The following CD300LG variants were observed in gnomAD, a reference collection of about 807,000 sequenced individuals.
CD300LG encodes the protein CMRF35-like molecule 9.
A neutral mutation model predicts 31.5 loss-of-function variants in CD300LG; 29 were observed. The ratio of observed to expected loss-of-function variants is 0.92; its 90% CI spans 0.68 to 1.25. The LOEUF is 1.25. Among genes scored for constraint, CD300LG ranks in the 50% most tolerant of loss-of-function variants. The pLI, the probability that CD300LG is intolerant of heterozygous loss-of-function variation, is 0.00. For synonymous variants in CD300LG, 175 were observed against 177.2 expected, an observed-to-expected ratio of 0.99 and a Z score of 0.10; for missense variants, 396 against 417.6, an observed-to-expected ratio of 0.95 and a Z score of 0.45.
intron 5 of CD300LG, 101 bp downstream of exon 5, chr17:43,855,420 C>CTT: frequency 1.6e-6 from 1 of 623,852 alleles, no homozygotes; most frequent in Non-Finnish European, 2.6e-6. Flanking sequence ...CCCTGTGGGT[C>CTT]TCAGCGTGTC....
intron 5 of CD300LG, 60 bp from the exon 6 acceptor site, chr17:43,857,044 T>C: frequency 6.4e-7 from 1 of 1,560,330 alleles, no homozygotes. Context: ...TGGGAGCAGC[T>C]ACAGGCCACT....
intron 4 of CD300LG, 104 bp downstream of exon 4, chr17:43,854,148 C>T (rs2046444448): frequency 2.4e-6 from 2 of 844,808 alleles, no homozygotes; most frequent in Non-Finnish European, 3.7e-6. Flanking sequence ...CGGACGCATC[C>T]TCTTGTCATG....
Position 43,848,658 on chromosome 17 carries a change from G to T in CD300LG, c.144G>T (p.Lys48Asn), listed in dbSNP as rs1869920117. ...TYREELRDHRKYWCRKGGILF... is the reference protein window; with the variant it reads ...TYREELRDHRNYWCRKGGILF... ...GGGAAGAGCTGAGGGACCACCGGAAGTACTGGTGCAGGAAGGGTGGGATCC... is the reference window on the plus strand; with the variant it reads ...GGGAAGAGCTGAGGGACCACCGGAATTACTGGTGCAGGAAGGGTGGGATCC... The change falls in exon 2 of 7, where the codon AAG becomes AAT. Residue 48 changes from lysine to asparagine, a missense_variant. Coordinates refer to ENST00000317310, the MANE Select transcript of CD300LG (RefSeq NM_145273.4). 1 of 1,614,052 alleles carries T rather than the reference G, an allele frequency of 6.2e-7. No homozygotes were observed. The highest frequency in any genetic ancestry group is 1.3e-5 in the African/African-American group (1 of 74,926).
rs1486322425 is a variant in CD300LG, at chr17:43,857,678, A to T, written c.885+522A>T. The T allele has an allele frequency of 7.9e-6, 10 of 1,264,028 alleles. No individual in the cohort carries two copies. In the East Asian group the frequency reaches 1.8e-4, roughly 22 times the overall value. The allele number at this position is 1,264,028 out of a possible 1,614,324, so 78.3% of individuals were successfully genotyped here. ...AAACTCTAGTGTGCTTTTACAAAAG[A>T]TGAGACTGAGGCCCAGAGAGGGTAA... On this transcript the variant is annotated intron_variant, in intron 6 of 6. Coordinates refer to ENST00000317310, the MANE Select transcript of CD300LG (RefSeq NM_145273.4).
At chr17:43,857,232 C>T in intron 6 of CD300LG, 76 bp downstream of exon 6, 4 of 1,554,602 alleles carry the variant, frequency 2.6e-6, no homozygotes, top group Non-Finnish European at 3.5e-6. Context: ...GGCTTTGCCT[C>T]TGTGACTTCC....
intron 2 of CD300LG, 161 bp downstream of exon 2, chr17:43,849,054 G>A (rs1414210938): frequency 7.6e-6 from 5 of 659,384 alleles, no homozygotes; most frequent in South Asian, 1.9e-5. Flanking sequence ...AGAAGGAGCC[G>A]CCTGAGTCTT....
At chr17:43,861,163 C>T (rs548647613) in intron 6 of CD300LG, 6 of 985,376 alleles carry the variant, frequency 6.1e-6, no homozygotes, top group South Asian at 4.7e-5. Flanking sequence ...ACCCAGAGGA[C>T]GCTGTGATCA....
In CD300LG at chr17:43,851,423, A is replaced by T. The variant is rs181770519; in HGVS notation, c.380-1489A>T. Among the ~76,000 whole-genome samples the T allele has an allele frequency of 1.9e-4, 29 of 152,264 alleles. No individual in the cohort carries two copies. In the East Asian group the frequency reaches 5.2e-3, roughly 27 times the overall value. ...CGGCAGATATAATGCAAATATTCTG[A>T]AATCTGAAACACTTCTGTTCCCAAG... is the stretch of plus-strand genomic sequence containing the variant. On this transcript the variant is annotated intron_variant, in intron 2 of 6. Transcript: ENST00000317310.
In CD300LG at chr17:43,852,914, C is replaced by G; in HGVS notation, c.382C>G (p.Pro128Ala). Residue 128 changes from proline to alanine, a missense_variant and splice_region_variant, in exon 3 of 7, where the codon CCC (proline) becomes GCC (alanine). By Grantham distance (27) the Pro-to-Ala change is conservative. Transcript: ENST00000317310. Reference sequence around the variant, plus strand: ...AGCAGCCTTTCCCTTTCCTCTAGGACCCTGCTGTCCTCCCTCCCCTTCTCC... The same window carrying G: ...AGCAGCCTTTCCCTTTCCTCTAGGAGCCTGCTGTCCTCCCTCCCCTTCTCC... ...LLISLFVFPG[P>A]CCPPSPSPTF... 1 of 1,610,502 alleles carries G rather than the reference C, an allele frequency of 6.2e-7. No individual in the cohort carries two copies. Among genetic ancestry groups the G allele is most frequent in the Non-Finnish European group, 8.5e-7 (1 of 1,178,068 alleles).
rs370967676 is a variant in CD300LG, at chr17:43,847,269, G to A, written c.43+10G>A. On this transcript the variant is annotated intron_variant, in intron 1 of 6. Coordinates refer to ENST00000317310, the MANE Select transcript of CD300LG (RefSeq NM_145273.4). ...TGCCTGCTGCTCCCAGGTGAGATGG[G>A]GAGAGGGTCTCGGGAGGGATGTGGG... 4.6e-5 allele frequency: 74 copies of A among 1,613,640 alleles called. No homozygotes were observed. The highest frequency in any genetic ancestry group is 9.3e-5 in the African/African-American group (7 of 74,930).
In CD300LG at chr17:43,848,753, C is replaced by T; in HGVS notation, c.239C>T (p.Ser80Phe). ...CAGGAGACAATGAAGGGCAGGGTGT[C>T]CATCCGTGACAGCCGCCAGGAGCTC... ...EGQETMKGRV[S>F]IRDSRQELSL... Residue 80 changes from serine to phenylalanine, a missense_variant, in exon 2 of 7, where the codon TCC becomes TTC. Ser to Phe is a radical substitution (Grantham distance 155, BLOSUM62 -2). Transcript: ENST00000317310. 1.2e-6 allele frequency: 2 copies of T among 1,614,150 alleles called. No individual in the cohort carries two copies. The highest frequency in any genetic ancestry group is 1.7e-6 in the Non-Finnish European group (2 of 1,180,032).
Position 43,853,797 on chromosome 17 carries a change from G to A in CD300LG, c.482-10G>A. On this transcript the variant is annotated splice_polypyrimidine_tract_variant and intron_variant, in intron 3 of 6. Transcript: ENST00000317310. ...GGAAGGATGCTGAGGCATTGCTTTT[G>A]GACTTGTAGCTTCTCCTGGGCTCTA... is the stretch of plus-strand genomic sequence containing the variant. 1 of 1,608,612 alleles carries A rather than the reference G, an allele frequency of 6.2e-7. No homozygotes were observed. The highest frequency in any genetic ancestry group is 1.3e-5 in the African/African-American group (1 of 74,870).
intron 6 of CD300LG, among the ~76,000 whole-genome samples, chr17:43,859,547 G>C (rs1468225648): frequency 6.6e-6 from 1 of 152,196 alleles, no homozygotes; most frequent in Non-Finnish European, 1.5e-5. Flanking sequence ...CTCAAACTCA[G>C]TCACCCTGGA....
At position 43,861,858 on chromosome 17, in the gene CD300LG, C is replaced by A; in HGVS notation, c.946C>A (p.Pro316Thr). 1 of 1,612,878 alleles carries A rather than the reference C, an allele frequency of 6.2e-7. No homozygotes were observed. ...APEGDVISMP[P>T]LHTSEEELGF... The stretch of plus-strand genomic sequence containing the variant: ...TGAGGGGGACGTGATCTCGATGCCT[C>A]CCCTCCACACATCTGAGGAGGAGCT... The change falls in exon 7 of 7, where the codon CCC (proline) becomes ACC (threonine). Residue 316 changes from proline (P) to threonine (T), a missense_variant. Transcript: ENST00000317310.
At position 43,855,312 on chromosome 17, in the gene CD300LG, A is replaced by G. The variant is rs768119888; in HGVS notation, c.825A>G (p.Arg275=). 1 of 1,578,048 alleles carries G rather than the reference A, an allele frequency of 6.3e-7. No homozygotes were observed. Among genetic ancestry groups the G allele is most frequent in the Non-Finnish European group, 8.6e-7 (1 of 1,165,026 alleles). The change falls in exon 5 of 7, where the codon AGA becomes AGG. Residue 275 remains arginine, a synonymous_variant. Transcript: ENST00000317310. ...IAFCSHLLLW[R]KEAQQATETQ... Reference sequence around the variant, plus strand: ...TCTGCAGCCACCTGCTCCTGTGGAGAAAGGAAGGTGAGCAAAGGTGGGCGG... The same window carrying G: ...TCTGCAGCCACCTGCTCCTGTGGAGGAAGGAAGGTGAGCAAAGGTGGGCGG...
At chr17:43,856,619 G>A (rs555742395) in intron 5 of CD300LG, among the ~76,000 whole-genome samples, 1 of 152,310 alleles carries the variant, frequency 6.6e-6, no homozygotes, top group South Asian at 2.1e-4. Flanking sequence ...GCTTTGTCCA[G>A]GTCCCCTCTG....
intron 2 of CD300LG, chr17:43,849,273 C>T (rs988600805): frequency 8.3e-6 from 3 of 361,318 alleles, no homozygotes; most frequent in African/African-American, 6.2e-5. Context: ...CCTGAGGCCT[C>T]CCGAGGCTGG....
intron 3 of CD300LG, 115 bp downstream of exon 3, chr17:43,853,128 G>C: frequency 2.4e-6 from 2 of 832,652 alleles, no homozygotes; most frequent in Non-Finnish European, 3.8e-6. Flanking sequence ...GTCCCCACAA[G>C]CCTGGGAGCT....
chr17:43,855,470 T>C, intron 5 of CD300LG, 151 bp downstream of exon 5: 1 of 483,230 alleles, frequency 2.1e-6, no homozygotes, highest in South Asian at 3.6e-5. Flanking sequence ...GCCTCCCTTC[T>C]GAAGGAGCCA....
Sources: gnomAD v4.1 joint callset for allele counts (sites outside exome capture counted in the v4.1 genomes callset) on GRCh38, gnomAD v4.1.1 for gene constraint, MANE v1.5 for transcripts, NCBI Gene and HGNC (gene_info 2026-07-23, HGNC 2026-07-21) for gene names.